Variants in FBXL7 observed in about 807,000 individuals in gnomAD.
FBXL7 encodes F-box and leucine rich repeat protein 7.
FBXL7 carries 12 observed loss-of-function variants against 38.3 expected under a neutral mutation model. The observed-to-expected ratio is 0.31, with a 90% CI of 0.20 to 0.51. The LOEUF is 0.51. Among genes scored for constraint, FBXL7 ranks in the 20% least tolerant of loss-of-function variants. FBXL7 has a pLI of 0.98. For synonymous variants in FBXL7, 297 were observed against 300.9 expected (o/e 0.99, Z 0.13); for missense variants, 567 against 676.4 (o/e 0.84, Z 1.79).
chr5:15,917,772 GC>G (rs1684309560), intron 2 of FBXL7, among the ~76,000 whole-genome samples: 2 of 129,730 alleles, frequency 1.5e-5, no homozygotes, highest in South Asian at 5.3e-4. Flanking sequence ...AGAGGCTTAT[GC>G]CTTTTTTTTT....
At chr5:15,877,079 A>G (rs1487351167) in intron 2 of FBXL7, among the ~76,000 whole-genome samples, 1 of 152,228 alleles carries the variant, frequency 6.6e-6, no homozygotes, top group African/African-American at 2.4e-5. Flanking sequence ...GTATCTGATC[A>G]CATAGCTAGT....
At chr5:15,769,889 G>T (rs971716276) in intron 2 of FBXL7, among the ~76,000 whole-genome samples, 3 of 152,228 alleles carry the variant, frequency 2.0e-5, no homozygotes, top group African/African-American at 7.2e-5. Context: ...CGAAGGGTAT[G>T]TGAGACCCGA....
intron 1 of FBXL7, among the ~76,000 whole-genome samples, chr5:15,551,545 G>A (rs185991300): frequency 2.3e-3 from 354 of 152,314 alleles, no homozygotes; most frequent in Non-Finnish European, 2.8e-3. Context: ...CTGGCGTCTC[G>A]CAGTGTGCCT....
intron 2 of FBXL7, among the ~76,000 whole-genome samples, chr5:15,749,203 C>CCACTG (rs1449262355): frequency 7.1e-6 from 1 of 140,972 alleles, no homozygotes; most frequent in Non-Finnish European, 1.5e-5. Flanking sequence ...AGAGATCATG[C>CCACTG]CACTGCACTC....
Position 15,517,013 on chromosome 5 carries a change from A to G in FBXL7, c.37+16300A>G, listed in dbSNP as rs151028663. ...TAGATATTGGGTTTTTTATTTTTTT[A>G]TTTTTATTTTTATTTTTTATTTTTA... On this transcript the variant is annotated intron_variant, in intron 1 of 3. Coordinates refer to ENST00000504595, the MANE Select transcript of FBXL7 (RefSeq NM_012304.5). Among the ~76,000 whole-genome samples, 12 of 151,122 alleles carry G rather than the reference A, an allele frequency of 7.9e-5. No homozygotes were observed. The East Asian group carries it at 1.9e-3, about 24-fold the overall frequency.
At chr5:15,656,035 T>G (rs1294167126) in intron 2 of FBXL7, among the ~76,000 whole-genome samples, 2 of 152,264 alleles carry the variant, frequency 1.3e-5, no homozygotes. Context: ...CATGTTTGTT[T>G]AAAATACTAA....
At chr5:15,671,748 A>G (rs1742483902) in intron 2 of FBXL7, among the ~76,000 whole-genome samples, 1 of 152,206 alleles carries the variant, frequency 6.6e-6, no homozygotes, top group Non-Finnish European at 1.5e-5. Context: ...TATAATTTAG[A>G]GGCTCAGTGT....
chr5:15,793,190 C>T (rs545230208), intron 2 of FBXL7, among the ~76,000 whole-genome samples: 6 of 152,254 alleles, frequency 3.9e-5, no homozygotes, highest in East Asian at 1.9e-4. Context: ...GTCTTCCTCT[C>T]CTAGGGCCGC....
chr5:15,691,401 A>G (rs1204363846), intron 2 of FBXL7, among the ~76,000 whole-genome samples: 2 of 152,226 alleles, frequency 1.3e-5, no homozygotes, highest in African/African-American at 2.4e-5. Flanking sequence ...AATGATGCCC[A>G]TTCCGGTTGC....
At chr5:15,867,732 G>A (rs1233907724) in intron 2 of FBXL7, among the ~76,000 whole-genome samples, 1 of 152,166 alleles carries the variant, frequency 6.6e-6, no homozygotes, top group Non-Finnish European at 1.5e-5. Context: ...GAGACAGGCA[G>A]AAGAAACACA....
chr5:15,562,111 C>T (rs917751373), intron 1 of FBXL7, among the ~76,000 whole-genome samples: 50 of 152,064 alleles, frequency 3.3e-4, no homozygotes, highest in African/African-American at 1.0e-3. Context: ...TTACACCATA[C>T]GTCAGTTCAG....
intron 2 of FBXL7, among the ~76,000 whole-genome samples, chr5:15,794,536 T>C (rs1737364164): frequency 6.6e-6 from 1 of 152,192 alleles, no homozygotes; most frequent in Non-Finnish European, 1.5e-5. Context: ...TGACTTAAGA[T>C]GAGTAAATAA....
rs530742379 is a variant in FBXL7 at position 15,686,250 on chromosome 5, A to T, written c.127+70178A>T. Among the ~76,000 whole-genome samples, 16 of 152,274 alleles carry T rather than the reference A, an allele frequency of 1.1e-4. No homozygotes were observed. The East Asian group carries it at 3.1e-3, about 29-fold the overall frequency. On this transcript the variant is annotated intron_variant, in intron 2 of 3. Coordinates refer to ENST00000504595, the MANE Select transcript of FBXL7 (RefSeq NM_012304.5). ...GTCCTGCACTTGTTTTGTAAATGGGATCGACTTCATTGAGGTCCTTCAGGA... is the reference window on the plus strand; with the variant it reads ...GTCCTGCACTTGTTTTGTAAATGGGTTCGACTTCATTGAGGTCCTTCAGGA...
chr5:15,793,178 G>T (rs1406283787), intron 2 of FBXL7, among the ~76,000 whole-genome samples: 1 of 152,182 alleles, frequency 6.6e-6, no homozygotes, highest in Non-Finnish European at 1.5e-5. Context: ...AAGTGAGGAA[G>T]TGTCTTCCTC....
At chr5:15,878,517 A>G (rs557943410) in intron 2 of FBXL7, among the ~76,000 whole-genome samples, 2 of 152,172 alleles carry the variant, frequency 1.3e-5, no homozygotes, top group Non-Finnish European at 2.9e-5. Context: ...TTATCTTCAA[A>G]CTATTTATAA....
At chr5:15,876,537 T>G (rs2126309558) in intron 2 of FBXL7, among the ~76,000 whole-genome samples, 1 of 152,362 alleles carries the variant, frequency 6.6e-6, no homozygotes, top group East Asian at 1.9e-4. Context: ...AGGGCATTGC[T>G]TTTAAGCTCC....
At chr5:15,699,458 ACTCCTCTTTCT>A (rs1743455326) in intron 2 of FBXL7, among the ~76,000 whole-genome samples, 2 of 151,404 alleles carry the variant, frequency 1.3e-5, no homozygotes, top group South Asian at 4.2e-4. Flanking sequence ...TGTGTGCTCC[ACTCCTCTTTCT>A]ATGAGAGAAC....
chr5:15,507,506 C>T (rs1224604279), intron 1 of FBXL7, among the ~76,000 whole-genome samples: 2 of 152,088 alleles, frequency 1.3e-5, no homozygotes, highest in Non-Finnish European at 2.9e-5. Context: ...CACTTTTGTC[C>T]TAAGGCCATA....
At chr5:15,766,722 C>T (rs567486973) in intron 2 of FBXL7, among the ~76,000 whole-genome samples, 1 of 152,266 alleles carries the variant, frequency 6.6e-6, no homozygotes, top group South Asian at 2.1e-4. Context: ...CATGACTTTC[C>T]TATCTACTTA....
Sources: allele counts gnomAD v4.1 joint callset (sites outside exome capture counted in the v4.1 genomes callset), GRCh38; gene constraint gnomAD v4.1.1; transcripts MANE v1.5; gene names NCBI Gene and HGNC (gene_info 2026-07-23, HGNC 2026-07-21).